The following CA10 variants were observed in gnomAD, a reference collection of about 807,000 sequenced individuals.
CA10 encodes carbonic anhydrase-related protein 10.
CA10 carries 14 observed loss-of-function variants against 44.2 expected under a neutral mutation model. The ratio of observed to expected loss-of-function variants is 0.32; its 90% confidence interval spans 0.21 to 0.50. The LOEUF (loss-of-function observed/expected upper bound fraction) is 0.50, where lower values mean the gene tolerates loss of function less well. CA10 is among the 20% of genes least tolerant of loss of function. The pLI, the probability that CA10 is intolerant of heterozygous loss-of-function variation, is 0.99. For synonymous variants in CA10, 159 were observed against 141.6 expected, an observed-to-expected ratio of 1.12 and a Z score of -0.87; for missense variants, 350 against 409.7, an observed-to-expected ratio of 0.85 and a Z score of 1.26.
intron 4 of CA10, among the ~76,000 whole-genome samples, chr17:51,718,537 G>A (rs938799411): frequency 9.2e-5 from 14 of 152,024 alleles, no homozygotes; most frequent in Middle Eastern, 3.2e-3. Flanking sequence ...TATTCCCCCC[G>A]GCTCTTCATT....
chr17:52,079,171 AGCTACTCGGGAG>A (rs1175277385), intron 1 of CA10, among the ~76,000 whole-genome samples: 1 of 152,180 alleles, frequency 6.6e-6, no homozygotes, highest in East Asian at 1.9e-4. Flanking sequence ...CTGTAGTCCC[AGCTACTCGGGAG>A]GCCAAGACAG....
chr17:51,649,030 C>T (rs1597961669), intron 6 of CA10, 152 bp downstream of exon 6: 27 of 601,188 alleles, frequency 4.5e-5, no homozygotes, highest in Middle Eastern at 2.6e-4. Context: ...TGCTTCTTAG[C>T]CAAACCCTAA....
At chr17:52,031,126 T>A (rs895733581) in intron 2 of CA10, among the ~76,000 whole-genome samples, 3 of 151,942 alleles carry the variant, frequency 2.0e-5, no homozygotes, top group African/African-American at 7.2e-5. Flanking sequence ...GATATTTGGC[T>A]TATTAAGTGG....
At chr17:51,929,674 C>A (rs2143990818) in intron 3 of CA10, among the ~76,000 whole-genome samples, 1 of 140,604 alleles carries the variant, frequency 7.1e-6, no homozygotes, top group African/African-American at 2.6e-5. Context: ...GACCAGCGAA[C>A]TCACACGTGT....
In CA10 at chr17:51,940,610, G is replaced by A. The variant is rs117601726; in HGVS notation, c.137-9478C>T. Among the ~76,000 whole-genome samples, 228 of 150,850 alleles carry A rather than the reference G, an allele frequency of 1.5e-3. 4 individuals are homozygous for A. The South Asian group carries it at 0.022, about 15-fold the overall frequency. The stretch of plus-strand genomic sequence containing the variant: ...CACCTTGGAAGTAGACTTTATTATC[G>A]CCCTGATTCTCACCAGTCTTAATGG... On this transcript the variant is annotated intron_variant, in intron 2 of 8. Transcript: ENST00000451037.
chr17:51,687,672 G>T (rs889756416), intron 4 of CA10, among the ~76,000 whole-genome samples: 1 of 152,156 alleles, frequency 6.6e-6, no homozygotes, highest in East Asian at 1.9e-4. Flanking sequence ...CTATCAAATA[G>T]AAACAACTTG....
At chr17:51,756,562 C>T in intron 3 of CA10, among the ~76,000 whole-genome samples, 1 of 151,512 alleles carries the variant, frequency 6.6e-6, no homozygotes, top group East Asian at 1.9e-4. Flanking sequence ...CTCCGCCTCC[C>T]GGGTTCACGC....
chr17:51,782,643 C>A (rs1407907552), intron 3 of CA10, among the ~76,000 whole-genome samples: 1 of 152,184 alleles, frequency 6.6e-6, no homozygotes, highest in Non-Finnish European at 1.5e-5. Context: ...CAGCGTCCAA[C>A]CCCCTTGACC....
intron 3 of CA10, among the ~76,000 whole-genome samples, chr17:51,849,234 T>TATATATAC (rs1978671457): frequency 1.4e-4 from 1 of 7,026 alleles, no homozygotes; most frequent in Admixed American, 1.3e-3. Flanking sequence ...TATGTGTGTG[T>TATATATAC]ATATATATAT....
intron 3 of CA10, among the ~76,000 whole-genome samples, chr17:51,796,555 T>G (rs1381167529): frequency 1.3e-5 from 2 of 152,218 alleles, no homozygotes; most frequent in Non-Finnish European, 2.9e-5. Flanking sequence ...AGTACTTTTT[T>G]AGGTAATTTG....
chr17:52,030,269 T>G (rs1156719427), intron 2 of CA10, among the ~76,000 whole-genome samples: 1 of 152,214 alleles, frequency 6.6e-6, no homozygotes, highest in Non-Finnish European at 1.5e-5. Context: ...TTATCAGCCT[T>G]TTAAAGATCA....
At chr17:51,732,547 G>A (rs1324020322) in intron 4 of CA10, among the ~76,000 whole-genome samples, 1 of 152,140 alleles carries the variant, frequency 6.6e-6, no homozygotes, top group Admixed American at 6.6e-5. Context: ...TCTTCCCACT[G>A]TGGCAGACAT....
intron 2 of CA10, among the ~76,000 whole-genome samples, chr17:52,015,250 T>G (rs1985931229): frequency 6.6e-6 from 1 of 152,114 alleles, no homozygotes; most frequent in Admixed American, 6.6e-5. Context: ...TATTTTTTGT[T>G]GCTGCCATTT....
intron 3 of CA10, among the ~76,000 whole-genome samples, chr17:51,788,567 G>A (rs1341024084): frequency 2.0e-5 from 3 of 152,144 alleles, no homozygotes; most frequent in African/African-American, 7.2e-5. Flanking sequence ...CACATTGGAT[G>A]CATGTATCAA....
intron 1 of CA10, among the ~76,000 whole-genome samples, chr17:52,142,634 C>T (rs1989507239): frequency 6.6e-6 from 1 of 152,080 alleles, no homozygotes; most frequent in Non-Finnish European, 1.5e-5. Flanking sequence ...ACAAAATCTA[C>T]CATTTCATTC....
chr17:51,639,503 A>G (rs1048783063), intron 6 of CA10, among the ~76,000 whole-genome samples: 1 of 152,150 alleles, frequency 6.6e-6, no homozygotes, highest in African/African-American at 2.4e-5. Flanking sequence ...TTTATCACAC[A>G]CAGCAGGTTT....
At chr17:51,909,323 C>G (rs1221352668) in intron 3 of CA10, among the ~76,000 whole-genome samples, 1 of 152,110 alleles carries the variant, frequency 6.6e-6, no homozygotes, top group Non-Finnish European at 1.5e-5. Context: ...AACTGGAGGT[C>G]AGGCTTGCAG....
At chr17:52,023,295 A>G (rs1188901545) in intron 2 of CA10, among the ~76,000 whole-genome samples, 6 of 152,088 alleles carry the variant, frequency 3.9e-5, no homozygotes, top group Non-Finnish European at 7.4e-5. Context: ...GAGCCCAGAA[A>G]TAAACCCATA....
intron 3 of CA10, among the ~76,000 whole-genome samples, chr17:51,827,158 G>A (rs1257609525): frequency 6.6e-6 from 1 of 152,116 alleles, no homozygotes; most frequent in Non-Finnish European, 1.5e-5. Flanking sequence ...GAATACCATG[G>A]AACATTCAAT....
Sources: gnomAD v4.1 joint callset for allele counts (sites outside exome capture counted in the v4.1 genomes callset) on GRCh38, gnomAD v4.1.1 for gene constraint, MANE v1.5 for transcripts, NCBI Gene and HGNC (gene_info 2026-07-23, HGNC 2026-07-21) for gene names.